Variants in VWA8 observed in about 807,000 individuals in gnomAD.
VWA8 encodes von Willebrand factor A domain-containing protein 8.
A neutral mutation model predicts 241.5 loss-of-function variants in VWA8; 221 were observed. The ratio of observed to expected loss-of-function variants is 0.91; its 90% confidence interval spans 0.82 to 1.02. The LOEUF is 1.02. Among genes scored for constraint, VWA8 ranks in the 50% least tolerant of loss-of-function variants. The pLI, the probability that VWA8 is intolerant of heterozygous loss-of-function variation, is 0.00. For synonymous variants in VWA8, 852 were observed against 827.1 expected (o/e 1.03, Z -0.52); for missense variants, 2,322 against 2,328.7 (o/e 1.00, Z 0.06).
intron 20 of VWA8, among the ~76,000 whole-genome samples, chr13:41,773,545 T>C (rs1868425470): frequency 6.6e-6 from 1 of 152,136 alleles, no homozygotes; most frequent in Non-Finnish European, 1.5e-5. Flanking sequence ...TTCTGTGGGG[T>C]ACTGCATTAG....
In VWA8 at chr13:41,819,313, G is replaced by A. The variant is rs1376892419; in HGVS notation, c.1774C>T (p.His592Tyr). ...AEPPVIGSTA[H>Y]QWLGPEFLTM... ...AAGAATTCTGGTCCCAGCCACTGGT[G>A]TGCTGTGCTTCCAATAACAGGGGGT... Residue 592 changes from histidine to tyrosine, a missense_variant, in exon 15 of 45, where the codon CAC becomes TAC. Coordinates refer to ENST00000379310, the MANE Select transcript of VWA8 (RefSeq NM_015058.2). The A allele has an allele frequency of 6.2e-7, 1 of 1,613,380 alleles. No individual in the cohort carries two copies. The highest frequency in any genetic ancestry group is 8.5e-7 in the Non-Finnish European group (1 of 1,179,840).
intron 35 of VWA8, 79 bp from the exon 36 acceptor site, chr13:41,675,375 A>T: frequency 9.6e-7 from 1 of 1,039,358 alleles, no homozygotes; most frequent in Non-Finnish European, 1.5e-6. Context: ...GAATCAAGTT[A>T]TCTGTAGCCT....
At chr13:41,891,759 T>C (rs1874858137) in intron 4 of VWA8, among the ~76,000 whole-genome samples, 172 bp from the exon 5 acceptor site, 1 of 152,210 alleles carries the variant, frequency 6.6e-6, no homozygotes, top group Non-Finnish European at 1.5e-5. Context: ...CTTAGGAAAG[T>C]GATTTTACCT....
intron 17 of VWA8, 139 bp downstream of exon 17, chr13:41,811,086 G>C: frequency 1.5e-6 from 1 of 660,042 alleles, no homozygotes; most frequent in Admixed American, 3.1e-5. Flanking sequence ...GTTCTAATCA[G>C]TGAAGGCAAG....
chr13:41,693,012 CTT>C (rs71706492), intron 29 of VWA8, 40 bp from the exon 30 acceptor site: 44,870 of 1,037,284 alleles, frequency 0.043, no homozygotes, highest in East Asian at 0.056. Flanking sequence ...AAGATTTGTT[CTT>C]TTTTTTTTTT....
intron 34 of VWA8, 46 bp from the exon 35 acceptor site, chr13:41,685,288 A>C (rs2045128352): frequency 1.3e-6 from 2 of 1,552,574 alleles, no homozygotes; most frequent in Non-Finnish European, 1.8e-6. Flanking sequence ...CATATACTAC[A>C]TTCACCACAA....
chr13:41,638,519 T>G (rs2044774064), intron 37 of VWA8, among the ~76,000 whole-genome samples: 1 of 152,036 alleles, frequency 6.6e-6, no homozygotes, highest in South Asian at 2.1e-4. Context: ...GGGATTATCA[T>G]GGAAGCCATG....
chr13:41,699,336 A>G, intron 28 of VWA8, 66 bp from the exon 29 acceptor site: 1 of 1,473,032 alleles, frequency 6.8e-7, no homozygotes, highest in East Asian at 2.3e-5. Flanking sequence ...CAAGAGGTCT[A>G]GTGAAAACTG....
chr13:41,763,290 A>AAAAT (rs59623577), intron 20 of VWA8, among the ~76,000 whole-genome samples: 44,345 of 138,898 alleles, frequency 0.32, 7,783 homozygotes, highest in Non-Finnish European at 0.39. Flanking sequence ...TCCACCTGTA[A>AAAAT]AAATAAATAA....
intron 43 of VWA8, among the ~76,000 whole-genome samples, chr13:41,573,343 G>A (rs9562324): frequency 0.027 from 4,113 of 150,528 alleles, 127 homozygotes; most frequent in East Asian, 0.1. Flanking sequence ...GCTTGAACCC[G>A]GGAGGAGGAG....
intron 2 of VWA8, among the ~76,000 whole-genome samples, chr13:41,920,423 A>G (rs1205251145): frequency 6.6e-6 from 1 of 152,208 alleles, no homozygotes; most frequent in Non-Finnish European, 1.5e-5. Context: ...AGAAGGGAAG[A>G]AATAACTAAG....
At chr13:41,855,751 C>A (rs938812070) in intron 12 of VWA8, among the ~76,000 whole-genome samples, 1 of 151,988 alleles carries the variant, frequency 6.6e-6, no homozygotes, top group Non-Finnish European at 1.5e-5. Flanking sequence ...GGCCCTACTA[C>A]CAAATGTGTT....
intron 2 of VWA8, among the ~76,000 whole-genome samples, chr13:41,932,919 A>T (rs975723093): frequency 2.0e-5 from 3 of 152,026 alleles, no homozygotes; most frequent in African/African-American, 7.2e-5. Flanking sequence ...GTTCTCTCTC[A>T]TAACTTCTAT....
intron 2 of VWA8, among the ~76,000 whole-genome samples, chr13:41,918,123 A>G (rs1876345108): frequency 6.6e-6 from 1 of 152,210 alleles, no homozygotes; most frequent in South Asian, 2.1e-4. Context: ...TTTATTAAGG[A>G]CCTACTATAT....
At chr13:41,594,839 C>T (rs191152998) in intron 40 of VWA8, among the ~76,000 whole-genome samples, 42 of 152,270 alleles carry the variant, frequency 2.8e-4, no homozygotes, top group Admixed American at 5.9e-4. Context: ...ACACTATAAG[C>T]GAAGCAAGAT....
At chr13:41,890,543 T>TA (rs1271763958) in intron 5 of VWA8, among the ~76,000 whole-genome samples, 2 of 152,252 alleles carry the variant, frequency 1.3e-5, no homozygotes, top group Non-Finnish European at 2.9e-5. Context: ...GTTGTTGCCC[T>TA]CTTTATATGC....
At chr13:41,708,579 C>A (rs899683842) in intron 26 of VWA8, among the ~76,000 whole-genome samples, 1 of 152,082 alleles carries the variant, frequency 6.6e-6, no homozygotes, top group South Asian at 2.1e-4. Flanking sequence ...ATGATGTATA[C>A]CTGAGTATTT....
chr13:41,907,770 G>C, intron 3 of VWA8, 74 bp from the exon 4 acceptor site: 2 of 1,309,544 alleles, frequency 1.5e-6, no homozygotes, highest in African/African-American at 2.9e-5. Flanking sequence ...CTAGTTATCT[G>C]ACAATGCCAT....
intron 9 of VWA8, among the ~76,000 whole-genome samples, chr13:41,879,382 TACACACACACACACAC>T (rs3073827): frequency 5.0e-5 from 7 of 140,806 alleles, no homozygotes; most frequent in Non-Finnish European, 7.7e-5. Context: ...CATACACACA[TACACACACACACACAC>T]ACACACACAC....
Sources: allele counts gnomAD v4.1 joint callset (sites outside exome capture counted in the v4.1 genomes callset), GRCh38; gene constraint gnomAD v4.1.1; transcripts MANE v1.5; gene names NCBI Gene and HGNC (gene_info 2026-07-23, HGNC 2026-07-21).